The following GOLM1 variants were observed in gnomAD, a reference collection of about 807,000 sequenced individuals.
GOLM1 encodes the protein golgi membrane protein 1.
GOLM1 carries 31 observed loss-of-function variants against 50.5 expected under a neutral mutation model. The ratio of observed to expected loss-of-function variants is 0.61; its 90% confidence interval spans 0.46 to 0.83. GOLM1 has a LOEUF of 0.83. GOLM1 is among the 40% of genes least tolerant of loss of function. GOLM1 has a pLI of 0.00. For synonymous variants in GOLM1, 178 were observed against 192.8 expected (o/e 0.92, Z 0.64); for missense variants, 491 against 501.3 (o/e 0.98, Z 0.20).
Position 86,079,209 on chromosome 9 carries a change from G to T in GOLM1, c.112C>A (p.Arg38=), listed in dbSNP as rs756907124. 8.0e-5 allele frequency: 128 copies of T among 1,595,384 alleles called. No individual in the cohort carries two copies. Among genetic ancestry groups the T allele is most frequent in the Non-Finnish European group, 9.9e-5 (116 of 1,171,154 alleles). Residue 38 remains arginine, a synonymous_variant, in exon 2 of 10, where the codon CGG becomes AGG. Coordinates refer to ENST00000388712, the MANE Select transcript of GOLM1 (RefSeq NM_016548.4). ...LGFNYWIASS[R]SVDLQTRIME... ...CAAAACACCTGGAGGTCCACGCTCC[G>T]GGAGCTCGCAATCCAGTAGTTGAAG...
At position 86,027,641 on chromosome 9, in the gene GOLM1, G is replaced by A; in HGVS notation, c.*176C>T. 1 of 1,395,632 alleles carries A rather than the reference G, an allele frequency of 7.2e-7. No homozygotes were observed. Among genetic ancestry groups the A allele is most frequent in the South Asian group, 1.7e-5 (1 of 58,806 alleles). 86.5% of individuals were successfully genotyped at this position (1,395,632 alleles called of 1,614,324 possible). A position where few individuals can be genotyped will look rare whatever the true frequency, so the allele number is the denominator to read the frequency against. ...ACTTCCAAAGTACCCCCCAAAAGCT[G>A]TTTAAAAGACCATTCCATTTTTTCC... On this transcript the variant is annotated 3_prime_UTR_variant, in exon 10 of 10. Coordinates refer to ENST00000388712, the MANE Select transcript of GOLM1 (RefSeq NM_016548.4).
intron 3 of GOLM1, among the ~76,000 whole-genome samples, chr9:86,069,136 T>TG (rs1563962518): frequency 2.4e-5 from 3 of 126,218 alleles, no homozygotes; most frequent in African/African-American, 1.3e-4. Flanking sequence ...ATGTAATCTC[T>TG]ATTTTTTTTT....
intron 1 of GOLM1, among the ~76,000 whole-genome samples, chr9:86,094,077 ATGGCC>A (rs1835274586): frequency 6.6e-6 from 1 of 152,166 alleles, no homozygotes; most frequent in Admixed American, 6.5e-5. Flanking sequence ...AAGTTTTCTG[ATGGCC>A]TGGAAATATT....
intron 3 of GOLM1, among the ~76,000 whole-genome samples, chr9:86,058,789 G>C (rs868117146): frequency 3.3e-5 from 5 of 151,704 alleles, no homozygotes; most frequent in South Asian, 4.2e-4. Context: ...CTGAGGTCAG[G>C]GGTTCAAGAC....
chr9:86,066,770 A>T (rs1344729435), intron 3 of GOLM1, among the ~76,000 whole-genome samples: 1 of 152,076 alleles, frequency 6.6e-6, no homozygotes, highest in Non-Finnish European at 1.5e-5. Context: ...CTTTCCCTTC[A>T]CGAAGTGCTA....
At chr9:86,067,468 A>G (rs866570499) in intron 3 of GOLM1, among the ~76,000 whole-genome samples, 2 of 152,258 alleles carry the variant, frequency 1.3e-5, no homozygotes, top group Non-Finnish European at 2.9e-5. Flanking sequence ...GATTATTTCT[A>G]TGCACACGAA....
At chr9:86,082,380 CCTT>C (rs1422779718) in intron 1 of GOLM1, among the ~76,000 whole-genome samples, 5 of 87,908 alleles carry the variant, frequency 5.7e-5, no homozygotes, top group African/African-American at 2.0e-4. Flanking sequence ...TCTTTTCTTT[CCTT>C]TTTTTTTTTT....
chr9:86,050,496 C>T (rs1464661211), intron 4 of GOLM1, among the ~76,000 whole-genome samples: 2 of 151,996 alleles, frequency 1.3e-5, no homozygotes, highest in Non-Finnish European at 2.9e-5. Flanking sequence ...TGGTCCTGGA[C>T]TTTTTTTGGT....
intron 1 of GOLM1, among the ~76,000 whole-genome samples, chr9:86,081,319 C>T (rs1166175796): frequency 1.3e-5 from 2 of 151,672 alleles, no homozygotes; most frequent in African/African-American, 2.4e-5. Flanking sequence ...GCCTCAGCTT[C>T]CCGAGTAGCT....
chr9:86,096,966 A>C (rs144217358), intron 1 of GOLM1, among the ~76,000 whole-genome samples: 97 of 152,242 alleles, frequency 6.4e-4, no homozygotes, highest in African/African-American at 2.1e-3. Context: ...TCTGTCAGGC[A>C]CTAATCTTCA....
intron 1 of GOLM1, among the ~76,000 whole-genome samples, chr9:86,090,739 G>C (rs1195410126): frequency 2.0e-5 from 3 of 147,842 alleles, no homozygotes; most frequent in African/African-American, 7.5e-5. Context: ...CTTTCCAGGG[G>C]AGTGAACAGT....
intron 5 of GOLM1, among the ~76,000 whole-genome samples, chr9:86,043,180 G>A (rs1405438659): frequency 2.6e-5 from 4 of 152,290 alleles, no homozygotes; most frequent in South Asian, 4.1e-4. Flanking sequence ...ATGAGATGGC[G>A]AGCGGTTCAT....
At chr9:86,077,699 CT>C in intron 2 of GOLM1, 108 bp from the exon 3 acceptor site, 1 of 726,038 alleles carries the variant, frequency 1.4e-6, no homozygotes, top group Non-Finnish European at 2.4e-6. Flanking sequence ...CAGCACCAGT[CT>C]TATACACACA....
chr9:86,080,955 G>A (rs754587899), intron 1 of GOLM1, among the ~76,000 whole-genome samples: 33 of 152,082 alleles, frequency 2.2e-4, no homozygotes, highest in Admixed American at 3.9e-4. Flanking sequence ...CGCAATTGTG[G>A]CTCACTGAAG....
In GOLM1 at chr9:86,027,230, C is replaced by G. The variant is rs1832813102; in HGVS notation, c.*587G>C. ...CCTTTTAAAAAATTCTCACACAGAA[C>G]AGCTTTGTATTTAGACTTAAAGCTG... On this transcript the variant is annotated 3_prime_UTR_variant, in exon 10 of 10. Coordinates refer to ENST00000388712, the MANE Select transcript of GOLM1 (RefSeq NM_016548.4). The G allele has an allele frequency of 1.0e-6, 1 of 985,334 alleles. No homozygotes were observed. The highest frequency in any genetic ancestry group is 1.2e-6 in the Non-Finnish European group (1 of 829,948). The allele number at this position is 985,334 out of a possible 1,614,324, so 61.0% of individuals were successfully genotyped here.
intron 5 of GOLM1, 57 bp from the exon 6 acceptor site, chr9:86,040,925 A>G (rs928838315): frequency 3.2e-6 from 5 of 1,551,942 alleles, no homozygotes; most frequent in Non-Finnish European, 4.4e-6. Flanking sequence ...TCTCTGCTGG[A>G]CGGTGACATC....
At chr9:86,055,795 G>T (rs1317804946) in intron 3 of GOLM1, among the ~76,000 whole-genome samples, 2 of 152,142 alleles carry the variant, frequency 1.3e-5, no homozygotes, top group African/African-American at 4.8e-5. Context: ...GGAGAGGGGG[G>T]AGGGAAATTG....
At chr9:86,088,450 A>ATATATATG (rs1563969047) in intron 1 of GOLM1, among the ~76,000 whole-genome samples, 21 of 130,770 alleles carry the variant, frequency 1.6e-4, no homozygotes, top group African/African-American at 6.0e-4. Context: ...ATATATATAT[A>ATATATATG]TATATATTTA....
At chr9:86,058,664 C>T (rs1834060017) in intron 3 of GOLM1, among the ~76,000 whole-genome samples, 1 of 137,580 alleles carries the variant, frequency 7.3e-6, no homozygotes, top group South Asian at 2.3e-4. Flanking sequence ...CCACTGCACT[C>T]CAGACTGGGC....
Sources: gnomAD v4.1 joint callset for allele counts (sites outside exome capture counted in the v4.1 genomes callset) on GRCh38, gnomAD v4.1.1 for gene constraint, MANE v1.5 for transcripts, NCBI Gene and HGNC (gene_info 2026-07-23, HGNC 2026-07-21) for gene names.